PTK2: variants seen among roughly 807,000 people sequenced by gnomAD.
PTK2 encodes the protein focal adhesion kinase 1.
Under a neutral mutation model 150.1 loss-of-function variants are expected in PTK2, and 45 were observed. That is an observed-to-expected ratio of 0.30 (90% CI 0.24 to 0.38). PTK2 has a LOEUF of 0.38. PTK2 is among the 10% of genes least tolerant of loss of function. PTK2 has a pLI of 1.00. For missense variants in PTK2, 919 were observed against 1,307.3 expected, an observed-to-expected ratio of 0.70 and a Z score of 4.58; for synonymous variants, 432 against 449.2, an observed-to-expected ratio of 0.96 and a Z score of 0.48.
chr8:140,746,681 A>C lies in PTK2; in HGVS notation c.1518+79T>G. On this transcript the variant is annotated intron_variant, in intron 18 of 31. Transcript: ENST00000522684. The stretch of plus-strand genomic sequence containing the variant: ...GAACTCTCCTGAAAATCCAAGATAT[A>C]AACTGTTTATATTTTCCTTTCTTAA... The C allele has an allele frequency of 2.8e-6, 3 of 1,080,116 alleles. No homozygotes were observed. In the East Asian group the frequency reaches 7.3e-5, roughly 26 times the overall value. 66.9% of individuals were successfully genotyped at this position (1,080,116 alleles called of 1,614,324 possible).
chr8:140,850,361 G>T (rs992278184), intron 5 of PTK2, among the ~76,000 whole-genome samples: 1 of 152,038 alleles, frequency 6.6e-6, no homozygotes, highest in Non-Finnish European at 1.5e-5. Context: ...AGGAGGCGGA[G>T]GTTGCAGAGA....
At chr8:140,927,442 C>T (rs10111852) in intron 1 of PTK2, 54,212 of 152,042 alleles carry the variant, frequency 0.36, 11,781 homozygotes, top group Non-Finnish European at 0.49. Flanking sequence ...ACTGATCAGG[C>T]TGTAAAGGCT....
chr8:140,741,932 A>G (rs1349156758), intron 20 of PTK2, among the ~76,000 whole-genome samples: 1 of 152,150 alleles, frequency 6.6e-6, no homozygotes, highest in Non-Finnish European at 1.5e-5. Flanking sequence ...TCAGCCCAGG[A>G]GTTTGATCAA....
At chr8:140,961,218 G>A (rs1199571919) in intron 1 of PTK2, among the ~76,000 whole-genome samples, 1 of 152,160 alleles carries the variant, frequency 6.6e-6, no homozygotes, top group East Asian at 1.9e-4. Context: ...CTAAGCTTAT[G>A]GATGGTATCA....
chr8:140,659,776 A>T, intron 31 of PTK2, 98 bp from the exon 36 acceptor site: 1 of 1,092,132 alleles, frequency 9.2e-7, no homozygotes, highest in Non-Finnish European at 1.3e-6. Context: ...GCTTGCCTCA[A>T]ACTCCTGGGC....
At chr8:140,669,587 T>A (rs535906961) in intron 29 of PTK2, 140 bp downstream of exon 33, 1 of 830,138 alleles carries the variant, frequency 1.2e-6, no homozygotes, top group East Asian at 2.7e-5. Context: ...GCTTTTGGCA[T>A]CTGTCAGTCA....
chr8:140,816,553 G>T (rs2100104827), intron 10 of PTK2, among the ~76,000 whole-genome samples: 1 of 152,176 alleles, frequency 6.6e-6, no homozygotes, highest in Non-Finnish European at 1.5e-5. Context: ...CATAAAAAAG[G>T]TAACAGGAAA....
intron 12 of PTK2, among the ~76,000 whole-genome samples, chr8:140,795,324 C>T (rs1042058344): frequency 6.6e-6 from 1 of 152,194 alleles, no homozygotes; most frequent in Non-Finnish European, 1.5e-5. Context: ...CCTTTACATC[C>T]TGACCAGCCA....
chr8:140,798,993 C>G (rs2100093365), intron 12 of PTK2, among the ~76,000 whole-genome samples: 1 of 152,138 alleles, frequency 6.6e-6, no homozygotes, highest in Non-Finnish European at 1.5e-5. Context: ...ACAAAGAAAA[C>G]TTAGGAAAAA....
At chr8:140,854,496 C>T (rs891394723) in intron 5 of PTK2, among the ~76,000 whole-genome samples, 4 of 152,070 alleles carry the variant, frequency 2.6e-5, no homozygotes, top group Non-Finnish European at 5.9e-5. Context: ...AATTTGATTC[C>T]GGGGTAAAAC....
At chr8:140,819,079 CAAT>C in intron 8 of PTK2, 59 bp from the exon 9 acceptor site, 2 of 1,542,652 alleles carry the variant, frequency 1.3e-6, no homozygotes, top group Non-Finnish European at 1.8e-6. Context: ...AAGACCACAA[CAAT>C]AATGGTAAGA....
chr8:140,866,966 T>C (rs1023056480), intron 4 of PTK2, among the ~76,000 whole-genome samples: 2 of 152,184 alleles, frequency 1.3e-5, no homozygotes, highest in African/African-American at 2.4e-5. Context: ...AAGGGAGTTA[T>C]ACAGTTATAT....
intron 22 of PTK2, chr8:140,732,597 C>T: frequency 1.9e-6 from 1 of 530,090 alleles, no homozygotes. Context: ...CCTCAAGGAG[C>T]TTCAGTCTAG....
chr8:140,749,826 C>G (rs768703462), intron 17 of PTK2, among the ~76,000 whole-genome samples: 30 of 152,164 alleles, frequency 2.0e-4, no homozygotes, highest in Non-Finnish European at 1.0e-4. Context: ...GCTGAGTAAC[C>G]TCTCAGAGAA....
chr8:140,965,893 T>C (rs904937288), intron 1 of PTK2, among the ~76,000 whole-genome samples: 6 of 152,058 alleles, frequency 3.9e-5, no homozygotes, highest in African/African-American at 1.4e-4. Flanking sequence ...AGAAAGATTC[T>C]AGGGACAGTG....
chr8:140,963,307 CG>C (rs1587715512), intron 1 of PTK2, among the ~76,000 whole-genome samples: 1 of 152,246 alleles, frequency 6.6e-6, no homozygotes, highest in Admixed American at 6.5e-5. Context: ...TACACATTTC[CG>C]GAAGTTCAGA....
At chr8:140,674,087 T>C (rs768409815) in intron 29 of PTK2, 3 of 717,096 alleles carry the variant, frequency 4.2e-6, no homozygotes, top group South Asian at 1.4e-5. Context: ...GAGAGGAAAA[T>C]GGAAAAGAAA....
At chr8:140,922,931 G>C (rs1490119097) in intron 2 of PTK2, among the ~76,000 whole-genome samples, 1 of 152,138 alleles carries the variant, frequency 6.6e-6, no homozygotes, top group Non-Finnish European at 1.5e-5. Context: ...AGAGAGAGTG[G>C]TGTAAGCACA....
intron 1 of PTK2, among the ~76,000 whole-genome samples, chr8:140,927,958 GAAAA>G (rs57931737): frequency 0.033 from 2,080 of 63,708 alleles, 27 homozygotes; most frequent in East Asian, 0.13. Context: ...AAAAAAAAAA[GAAAA>G]AAAAAAAAAA....
Sources: allele counts gnomAD v4.1 joint callset (sites outside exome capture counted in the v4.1 genomes callset), GRCh38; gene constraint gnomAD v4.1.1; transcripts MANE v1.5; gene names NCBI Gene and HGNC (gene_info 2026-07-23, HGNC 2026-07-21).